HELZ: variants seen among roughly 807,000 people sequenced by gnomAD.
HELZ encodes helicase with zinc finger, also known as ATP-dependent RNA helicase with zinc finger domain.
A neutral mutation model predicts 218.2 loss-of-function variants in HELZ; 23 were observed. That is an observed-to-expected ratio of 0.11 (90% CI 0.08 to 0.15). The LOEUF (loss-of-function observed/expected upper bound fraction) is 0.15, where lower values mean the gene tolerates loss of function less well. Among genes scored for constraint, HELZ ranks in the 10% least tolerant of loss-of-function variants. The probability of loss-of-function intolerance (pLI) is 1.00; values close to 1 mark genes in which losing one functional copy is unlikely to be tolerated. For synonymous variants in HELZ, 814 were observed against 829.4 expected, an observed-to-expected ratio of 0.98 and a Z score of 0.32; for missense variants, 1,813 against 2,353.7, an observed-to-expected ratio of 0.77 and a Z score of 4.75.
Position 67,075,379 on chromosome 17 carries a change from T to A in HELZ, c.*2873A>T, listed in dbSNP as rs2035990451. The A allele has an allele frequency of 6.6e-6, 1 of 152,174 alleles. No homozygotes were observed. Among genetic ancestry groups the A allele is most frequent in the African/African-American group, 2.4e-5 (1 of 41,448 alleles). The allele number at this position is 152,174 out of a possible 1,614,324, so 9.4% of individuals were successfully genotyped here. A position where few individuals can be genotyped will look rare whatever the true frequency, so the allele number is the denominator to read the frequency against. ...TCTGCTCTGAAGAAATGGAAGCTGG[T>A]AATACTTGGTATTATCTGAGAGCTA... On this transcript the variant is annotated 3_prime_UTR_variant, in exon 33 of 33. Transcript: ENST00000358691.
At chr17:67,157,080 C>A (rs1416833587) in intron 17 of HELZ, among the ~76,000 whole-genome samples, 2 of 152,172 alleles carry the variant, frequency 1.3e-5, no homozygotes, top group Admixed American at 1.3e-4. Flanking sequence ...ACATCCTGCT[C>A]CCCCTTCGCC....
intron 5 of HELZ, among the ~76,000 whole-genome samples, chr17:67,211,008 C>G (rs2040436375): frequency 6.6e-6 from 1 of 152,136 alleles, no homozygotes. Context: ...CCAAATACAA[C>G]TGATGTTCAG....
intron 12 of HELZ, 84 bp from the exon 13 acceptor site, chr17:67,179,010 T>G: frequency 1.1e-6 from 1 of 878,682 alleles, no homozygotes; most frequent in Non-Finnish European, 1.7e-6. Flanking sequence ...CTATATTACA[T>G]ATTTTTGTAT....
intron 5 of HELZ, among the ~76,000 whole-genome samples, chr17:67,210,288 G>C (rs981389167): frequency 6.6e-6 from 1 of 152,224 alleles, no homozygotes; most frequent in Non-Finnish European, 1.5e-5. Flanking sequence ...CTCCCCCAGA[G>C]AGAGTACAGA....
intron 21 of HELZ, among the ~76,000 whole-genome samples, chr17:67,141,567 G>C (rs537282219): frequency 2.6e-5 from 4 of 151,736 alleles, no homozygotes; most frequent in Non-Finnish European, 5.9e-5. Flanking sequence ...CTAGTGTCTA[G>C]AAATATAACC....
At chr17:67,119,862 C>A in intron 27 of HELZ, 1 of 370,510 alleles carries the variant, frequency 2.7e-6, no homozygotes, top group Admixed American at 4.2e-5. Context: ...AACTCAGTGA[C>A]ACCAATCATA....
rs1277933338 is a variant in HELZ, at chr17:67,170,698, G to A, written c.1431-2902C>T. Among the ~76,000 whole-genome samples the A allele has an allele frequency of 4.0e-5, 6 of 151,690 alleles. No homozygotes were observed. The East Asian group carries it at 7.8e-4, about 20-fold the overall frequency. On this transcript the variant is annotated intron_variant, in intron 13 of 32. Transcript: ENST00000358691. Reference sequence around the variant, plus strand: ...AAAAATTACCTGGGCGTGATGGCCCGGCCTGTAGTCCATAGCTACAAGGGA... The same window carrying A: ...AAAAATTACCTGGGCGTGATGGCCCAGCCTGTAGTCCATAGCTACAAGGGA...
At chr17:67,225,274 T>G in intron 3 of HELZ, 1 of 205,396 alleles carries the variant, frequency 4.9e-6, no homozygotes, top group Non-Finnish European at 9.9e-6. Flanking sequence ...GTTATTATCA[T>G]TCCCATTCAC....
intron 31 of HELZ, among the ~76,000 whole-genome samples, chr17:67,105,090 G>A (rs1324808850): frequency 6.6e-6 from 1 of 152,180 alleles, no homozygotes; most frequent in Non-Finnish European, 1.5e-5. Context: ...CCAAGATCAT[G>A]CCACTGCGCT....
At chr17:67,119,088 T>C (rs1567815529) in intron 27 of HELZ, among the ~76,000 whole-genome samples, 1 of 152,176 alleles carries the variant, frequency 6.6e-6, no homozygotes, top group Non-Finnish European at 1.5e-5. Flanking sequence ...CAGCCACTTT[T>C]GAAAAATAAT....
At chr17:67,236,616 G>A (rs1026417158) in intron 3 of HELZ, among the ~76,000 whole-genome samples, 39 of 152,066 alleles carry the variant, frequency 2.6e-4, no homozygotes, top group South Asian at 6.2e-4. Context: ...TCTATAAGAT[G>A]TAAATGTTTC....
intron 12 of HELZ, among the ~76,000 whole-genome samples, chr17:67,184,840 T>TAAATAAATA (rs1243927824): frequency 1.4e-4 from 21 of 151,890 alleles, no homozygotes; most frequent in African/African-American, 4.8e-4. Context: ...AATAAATAAA[T>TAAATAAATA]AAATAAATAG....
intron 17 of HELZ, among the ~76,000 whole-genome samples, chr17:67,158,668 A>C (rs1020895083): frequency 6.6e-6 from 1 of 152,038 alleles, no homozygotes; most frequent in Non-Finnish European, 1.5e-5. Context: ...CTTGGGCTGA[A>C]CCACTTTCGA....
At chr17:67,206,827 G>C (rs541560441) in intron 5 of HELZ, among the ~76,000 whole-genome samples, 1 of 151,768 alleles carries the variant, frequency 6.6e-6, no homozygotes, top group Non-Finnish European at 1.5e-5. Flanking sequence ...TTGAACTCCC[G>C]ACCTCAGGTG....
intron 5 of HELZ, among the ~76,000 whole-genome samples, chr17:67,209,244 A>G (rs1228890587): frequency 2.0e-5 from 3 of 152,112 alleles, no homozygotes; most frequent in Admixed American, 2.0e-4. Flanking sequence ...AGAATAATAC[A>G]GTTCTTTTTG....
chr17:67,182,146 G>C (rs995684040), intron 12 of HELZ, among the ~76,000 whole-genome samples: 13 of 152,172 alleles, frequency 8.5e-5, no homozygotes, highest in African/African-American at 3.1e-4. Context: ...AAAAACACTG[G>C]AAAATTGAGA....
intron 5 of HELZ, among the ~76,000 whole-genome samples, chr17:67,211,867 A>G (rs1251527890): frequency 6.6e-6 from 1 of 152,018 alleles, no homozygotes; most frequent in Non-Finnish European, 1.5e-5. Context: ...TCAAAAAAAG[A>G]AGAAAAGGGG....
intron 31 of HELZ, among the ~76,000 whole-genome samples, chr17:67,088,576 C>T (rs1321933916): frequency 6.6e-6 from 1 of 152,152 alleles, no homozygotes; most frequent in Non-Finnish European, 1.5e-5. Flanking sequence ...GCAGGAAAGC[C>T]GTGACGAGAG....
intron 26 of HELZ, among the ~76,000 whole-genome samples, chr17:67,122,189 G>A (rs556258622): frequency 1.3e-3 from 201 of 152,084 alleles, no homozygotes; most frequent in Middle Eastern, 6.9e-3. Flanking sequence ...GATCACCTGA[G>A]GTCAGGAGTT....
Sources: allele counts gnomAD v4.1 joint callset (sites outside exome capture counted in the v4.1 genomes callset), GRCh38; gene constraint gnomAD v4.1.1; transcripts MANE v1.5; gene names NCBI Gene and HGNC (gene_info 2026-07-23, HGNC 2026-07-21).